CDH7: variants seen among roughly 807,000 people sequenced by gnomAD.
CDH7 encodes cadherin 7, also known as cadherin-7.
Under a neutral mutation model 71.8 loss-of-function variants are expected in CDH7, and 25 were observed. The ratio of observed to expected loss-of-function variants is 0.35; its 90% confidence interval spans 0.25 to 0.49. The LOEUF is 0.49. Ranked by LOEUF, CDH7 falls within the 20% of genes least tolerant of loss-of-function variation. The pLI is 0.99. For missense variants in CDH7, 862 were observed against 974.6 expected, an observed-to-expected ratio of 0.88 and a Z score of 1.54; for synonymous variants, 381 against 363.8, an observed-to-expected ratio of 1.05 and a Z score of -0.54.
At chr18:65,785,938 C>T (rs1910497158) in intron 2 of CDH7, among the ~76,000 whole-genome samples, 1 of 152,094 alleles carries the variant, frequency 6.6e-6, no homozygotes, top group Admixed American at 6.5e-5. Flanking sequence ...ACTGGATATT[C>T]AGTTTAAAAC....
intron 2 of CDH7, among the ~76,000 whole-genome samples, chr18:65,766,885 TAAAAAAAA>T (rs61611288): frequency 0.011 from 974 of 88,474 alleles, 8 homozygotes; most frequent in African/African-American, 0.025. Context: ...CTGTCTGACG[TAAAAAAAA>T]AAAAAAAAAA....
At chr18:65,800,566 G>T (rs939666165) in intron 2 of CDH7, among the ~76,000 whole-genome samples, 2 of 152,046 alleles carry the variant, frequency 1.3e-5, no homozygotes, top group African/African-American at 2.4e-5. Flanking sequence ...TCAAAAATTT[G>T]CATTTTAACC....
Position 65,853,572 on chromosome 18 carries a change from A to T in CDH7, c.1236-4244A>T, listed in dbSNP as rs538916643. ...GCATGTCCAGAGGGGCTGGTAGAAA[A>T]TAGGAAACCCCTTTAATTCTAGGTG... is the stretch of plus-strand genomic sequence containing the variant. On this transcript the variant is annotated intron_variant, in intron 7 of 11. Transcript: ENST00000397968. Among the ~76,000 whole-genome samples, 89 of 152,088 alleles carry T rather than the reference A, an allele frequency of 5.9e-4. 2 individuals carry two copies. In the South Asian group the frequency reaches 0.015, roughly 26 times the overall value.
At chr18:65,834,666 A>T (rs1189109540) in intron 6 of CDH7, among the ~76,000 whole-genome samples, 1 of 152,224 alleles carries the variant, frequency 6.6e-6, no homozygotes, top group Non-Finnish European at 1.5e-5. Flanking sequence ...CCTGACATCT[A>T]TGATACGTAG....
intron 1 of CDH7, among the ~76,000 whole-genome samples, chr18:65,757,783 A>ATG (rs993012521): frequency 5.4e-4 from 77 of 141,536 alleles, no homozygotes; most frequent in African/African-American, 2.1e-3. Context: ...ATATCCATAT[A>ATG]TATATATATT....
At chr18:65,802,441 A>G (rs1484723) in intron 2 of CDH7, among the ~76,000 whole-genome samples, 91,812 of 152,002 alleles carry the variant, frequency 0.6, 29,396 homozygotes, top group East Asian at 0.97. Context: ...CAGAAAAACC[A>G]ATACCTCACT....
intron 2 of CDH7, among the ~76,000 whole-genome samples, chr18:65,801,888 A>G (rs1471088388): frequency 6.6e-6 from 1 of 152,358 alleles, no homozygotes; most frequent in Admixed American, 6.5e-5. Context: ...CTAATGGACA[A>G]AGCAGTGTAG....
At chr18:65,840,674 G>A (rs1205763708) in intron 6 of CDH7, among the ~76,000 whole-genome samples, 1 of 152,088 alleles carries the variant, frequency 6.6e-6, no homozygotes, top group Admixed American at 6.6e-5. Context: ...GCCACCACGT[G>A]AGATGTGCCT....
intron 2 of CDH7, 95 bp from the exon 3 acceptor site, chr18:65,809,609 A>G: frequency 9.8e-7 from 1 of 1,024,688 alleles, no homozygotes; most frequent in South Asian, 1.6e-5. Context: ...ATAAAATTTC[A>G]TGTACTCCTG....
chr18:65,751,554 G>C (rs1915878758), intron 1 of CDH7, among the ~76,000 whole-genome samples: 1 of 152,190 alleles, frequency 6.6e-6, no homozygotes, highest in Admixed American at 6.5e-5. Flanking sequence ...CGCGCCGGCT[G>C]TGCCGCCGGG....
chr18:65,818,569 T>G (rs1015675643), intron 4 of CDH7, among the ~76,000 whole-genome samples: 1 of 152,222 alleles, frequency 6.6e-6, no homozygotes, highest in African/African-American at 2.4e-5. Context: ...GTAACACTCA[T>G]TGATATAATG....
At chr18:65,752,562 T>C (rs912186407) in intron 1 of CDH7, among the ~76,000 whole-genome samples, 1 of 152,250 alleles carries the variant, frequency 6.6e-6, no homozygotes, top group Non-Finnish European at 1.5e-5. Flanking sequence ...TTGTTCTATA[T>C]GTCAAGGGGA....
At chr18:65,871,001 A>G (rs1432387037) in intron 11 of CDH7, among the ~76,000 whole-genome samples, 1 of 152,190 alleles carries the variant, frequency 6.6e-6, no homozygotes, top group East Asian at 1.9e-4. Flanking sequence ...CCCTTCAAGA[A>G]TAGGTCCAGT....
intron 2 of CDH7, among the ~76,000 whole-genome samples, chr18:65,791,858 A>G (rs1910723057): frequency 6.6e-6 from 1 of 152,174 alleles, no homozygotes; most frequent in Admixed American, 6.5e-5. Flanking sequence ...TGTCTGGTTT[A>G]AATTCCTTCT....
At chr18:65,834,891 G>GT (rs1912480453) in intron 6 of CDH7, among the ~76,000 whole-genome samples, 2 of 152,174 alleles carry the variant, frequency 1.3e-5, no homozygotes, top group Non-Finnish European at 2.9e-5. Flanking sequence ...ATCTGTGGTT[G>GT]TATCAACTAC....
At chr18:65,785,356 A>G (rs2143844300) in intron 2 of CDH7, among the ~76,000 whole-genome samples, 1 of 152,296 alleles carries the variant, frequency 6.6e-6, no homozygotes, top group African/African-American at 2.4e-5. Flanking sequence ...AGTGTTGTAG[A>G]TAAGGTTATG....
At chr18:65,757,171 G>T (rs965110028) in intron 1 of CDH7, among the ~76,000 whole-genome samples, 2 of 152,086 alleles carry the variant, frequency 1.3e-5, no homozygotes, top group African/African-American at 4.8e-5. Context: ...AAGTGGAGGA[G>T]AAATTCCAAG....
At chr18:65,819,506 T>C (rs534827400) in intron 4 of CDH7, among the ~76,000 whole-genome samples, 4 of 152,230 alleles carry the variant, frequency 2.6e-5, no homozygotes, top group African/African-American at 9.6e-5. Flanking sequence ...CCTCTTGATA[T>C]ATATTATTAA....
chr18:65,858,560 T>C (rs1165675124), intron 8 of CDH7, among the ~76,000 whole-genome samples: 1 of 151,924 alleles, frequency 6.6e-6, no homozygotes, highest in Admixed American at 6.6e-5. Flanking sequence ...AATTTTCTCA[T>C]CAGGGACTAA....
Sources: gnomAD v4.1 joint callset for allele counts (sites outside exome capture counted in the v4.1 genomes callset) on GRCh38, gnomAD v4.1.1 for gene constraint, MANE v1.5 for transcripts, NCBI Gene and HGNC (gene_info 2026-07-23, HGNC 2026-07-21) for gene names.